Variants in IL1RAPL1 observed in about 807,000 individuals in gnomAD.
IL1RAPL1 encodes the protein interleukin-1 receptor accessory protein-like 1.
IL1RAPL1 carries 3 observed loss-of-function variants against 48.4 expected under a neutral mutation model. The observed-to-expected ratio is 0.06, with a 90% confidence interval of 0.03 to 0.16. The LOEUF is 0.16. Ranked by LOEUF, IL1RAPL1 falls within the 10% of genes least tolerant of loss-of-function variation. The pLI is 1.00. For synonymous variants in IL1RAPL1, 185 were observed against 187.7 expected (o/e 0.99, Z 0.12); for missense variants, 349 against 530.6 (o/e 0.66, Z 3.36).
chrX:29,862,187 T>C (rs963317183), intron 6 of IL1RAPL1, among the ~76,000 whole-genome samples: 34 of 109,946 alleles, frequency 3.1e-4, no homozygotes, highest in African/African-American at 1.1e-3. Context: ...AAGAATAATC[T>C]CAGCATTTGA....
chrX:28,754,709 T>G (rs1210956441), intron 1 of IL1RAPL1, among the ~76,000 whole-genome samples: 1 of 112,227 alleles, frequency 8.9e-6, no homozygotes, highest in Non-Finnish European at 1.9e-5. Context: ...GTGCATGTAT[T>G]GTGTAAGTGT....
intron 2 of IL1RAPL1, among the ~76,000 whole-genome samples, chrX:28,900,383 A>T: frequency 8.9e-6 from 1 of 111,961 alleles, no homozygotes; most frequent in Non-Finnish European, 1.9e-5. Context: ...TGGAAAGAGA[A>T]CATAGTTTTT....
chrX:29,127,851 G>T (rs1928930863), intron 2 of IL1RAPL1, among the ~76,000 whole-genome samples: 1 of 109,993 alleles, frequency 9.1e-6, no homozygotes, highest in Non-Finnish European at 1.9e-5. Context: ...TGTAATCCCA[G>T]CTACTCAAGA....
At chrX:29,829,635 A>G (rs775363418) in intron 6 of IL1RAPL1, among the ~76,000 whole-genome samples, 1 of 111,884 alleles carries the variant, frequency 8.9e-6, no homozygotes, top group South Asian at 3.7e-4. Flanking sequence ...GTCACTAATT[A>G]TCTGAGCATT....
At chrX:29,202,079 A>C (rs1207996683) in intron 2 of IL1RAPL1, among the ~76,000 whole-genome samples, 1 of 112,684 alleles carries the variant, frequency 8.9e-6, no homozygotes, top group Non-Finnish European at 1.9e-5. Flanking sequence ...TGCATCAGAC[A>C]CTTGATACAA....
At chrX:28,973,961 A>G (rs756497029) in intron 2 of IL1RAPL1, among the ~76,000 whole-genome samples, 7 of 112,692 alleles carry the variant, frequency 6.2e-5, no homozygotes, top group Non-Finnish European at 1.1e-4. Flanking sequence ...CAATTAGAAC[A>G]TTAATTTTGA....
At chrX:28,869,842 T>A (rs1269784580) in intron 2 of IL1RAPL1, among the ~76,000 whole-genome samples, 2 of 111,560 alleles carry the variant, frequency 1.8e-5, no homozygotes, top group Non-Finnish European at 1.9e-5. Context: ...AAAAACCCCA[T>A]ACCTATTAGC....
At position 29,159,118 on chromosome X, in the gene IL1RAPL1, TA is replaced by T. The variant is rs780936198; in HGVS notation, c.83-123815del. On this transcript the variant is annotated intron_variant, in intron 2 of 10. Transcript: ENST00000378993. The stretch of plus-strand genomic sequence containing the variant: ...CATTTCTTCATCTGTAACAAGAGAA[TA>T]AAAATGACTTCTTCACAGATTTATA... Among the ~76,000 whole-genome samples, 6 of 109,101 alleles carry T rather than the reference TA, an allele frequency of 5.5e-5. No individual in the cohort carries two copies. The East Asian group carries it at 1.7e-3, about 31-fold the overall frequency. The allele number at this position is 109,101 out of a possible 115,157, so 94.7% of individuals were successfully genotyped here.
At chrX:29,698,964 T>C (rs1278053140) in intron 6 of IL1RAPL1, among the ~76,000 whole-genome samples, 1 of 112,499 alleles carries the variant, frequency 8.9e-6, no homozygotes, top group Non-Finnish European at 1.9e-5. Flanking sequence ...GTCTTCCATA[T>C]AAAGTTAAGG....
chrX:28,774,474 A>T (rs2147258430), intron 1 of IL1RAPL1, among the ~76,000 whole-genome samples: 1 of 111,374 alleles, frequency 9.0e-6, no homozygotes, highest in South Asian at 3.8e-4. Context: ...ACCCACTTTC[A>T]GGTTCACTCA....
At chrX:29,553,615 T>C (rs1921892589) in intron 5 of IL1RAPL1, among the ~76,000 whole-genome samples, 1 of 111,815 alleles carries the variant, frequency 8.9e-6, no homozygotes, top group South Asian at 3.8e-4. Context: ...GAAAATATTC[T>C]TCTTTCAGAT....
At chrX:29,319,550 GTATGTATGTATC>G (rs1932789035) in intron 3 of IL1RAPL1, among the ~76,000 whole-genome samples, 1 of 48,347 alleles carries the variant, frequency 2.1e-5, no homozygotes, top group Non-Finnish European at 5.8e-5. Context: ...ATGTATGTAT[GTATGTATGTATC>G]TATCTATCTA....
chrX:29,627,598 A>T (rs1287400191), intron 5 of IL1RAPL1, among the ~76,000 whole-genome samples: 2 of 111,610 alleles, frequency 1.8e-5, no homozygotes, highest in Non-Finnish European at 3.8e-5. Context: ...TGGTTTCCTG[A>T]TGGATTGACC....
chrX:28,879,486 A>G (rs891391447), intron 2 of IL1RAPL1, among the ~76,000 whole-genome samples: 2 of 111,517 alleles, frequency 1.8e-5, no homozygotes, highest in East Asian at 2.8e-4. Context: ...AAGGTAAATA[A>G]AGATTAATTT....
intron 2 of IL1RAPL1, among the ~76,000 whole-genome samples, chrX:29,074,485 T>C (rs564624803): frequency 8.9e-6 from 1 of 111,992 alleles, no homozygotes; most frequent in Admixed American, 9.5e-5. Flanking sequence ...GCACTAAATA[T>C]TTACTTCATT....
intron 6 of IL1RAPL1, among the ~76,000 whole-genome samples, chrX:29,852,594 G>A (rs757835074): frequency 8.9e-6 from 1 of 112,137 alleles, no homozygotes; most frequent in South Asian, 3.7e-4. Context: ...TGTACCTTTA[G>A]GAGATAAACT....
chrX:28,639,554 C>G (rs931947242), intron 1 of IL1RAPL1, among the ~76,000 whole-genome samples: 3 of 111,853 alleles, frequency 2.7e-5, no homozygotes, highest in African/African-American at 6.5e-5. Flanking sequence ...GAGGGCAGGC[C>G]TGGCTTAAAT....
chrX:29,390,858 C>T (rs1041186305), intron 3 of IL1RAPL1, among the ~76,000 whole-genome samples: 4 of 111,875 alleles, frequency 3.6e-5, no homozygotes, highest in African/African-American at 1.3e-4. Flanking sequence ...ATGTAGTCAT[C>T]CTTTTAAAAA....
At chrX:29,044,093 AT>A (rs1022487155) in intron 2 of IL1RAPL1, among the ~76,000 whole-genome samples, 16 of 111,026 alleles carry the variant, frequency 1.4e-4, no homozygotes, top group South Asian at 3.8e-4. Flanking sequence ...TTTGAAGGAA[AT>A]TTTTTTTTAA....
Sources: gnomAD v4.1 joint callset for allele counts (sites outside exome capture counted in the v4.1 genomes callset) on GRCh38, gnomAD v4.1.1 for gene constraint, MANE v1.5 for transcripts, NCBI Gene and HGNC (gene_info 2026-07-23, HGNC 2026-07-21) for gene names.